FCAMR: variants seen among roughly 807,000 people sequenced by gnomAD.
FCAMR encodes the protein Fc alpha and mu receptor, also known as high affinity immunoglobulin alpha and immunoglobulin mu Fc receptor.
FCAMR carries 51 observed loss-of-function variants against 52.2 expected under a neutral mutation model. The ratio of observed to expected loss-of-function variants is 0.98; its 90% CI spans 0.78 to 1.23. The LOEUF is 1.23. Ranked by LOEUF, FCAMR falls within the 50% of genes most tolerant of loss-of-function variation. The pLI is 0.00. For missense variants in FCAMR, 719 were observed against 712.6 expected, an observed-to-expected ratio of 1.01 and a Z score of -0.10; for synonymous variants, 282 against 262.0, an observed-to-expected ratio of 1.08 and a Z score of -0.74.
chr1:206,966,255 A>G (rs1003353872), intron 3 of FCAMR, among the ~76,000 whole-genome samples: 1 of 152,066 alleles, frequency 6.6e-6, no homozygotes, highest in South Asian at 2.1e-4. Context: ...TAGGACTATT[A>G]CTTAGCAGAA....
At position 206,960,555 on chromosome 1, in the gene FCAMR, C is replaced by T; in HGVS notation, c.1321G>A (p.Ala441Thr). 3.2e-6 allele frequency: 5 copies of T among 1,551,766 alleles called. No individual in the cohort carries two copies. The highest frequency in any genetic ancestry group is 4.4e-6 in the Non-Finnish European group (5 of 1,146,970). ...GCAGCGCTTCCTTCCCCAGATGCTG[C>T]CTCCATGCTGGTCCACACATCTGCA... ...PAADVWTSME[A>T]ASGEGSAAGD... The change falls in exon 6 of 8, where the codon GCA (alanine) becomes ACA (threonine). Residue 441 changes from alanine to threonine, a missense_variant. Transcript: ENST00000324852.
intron 1 of FCAMR, among the ~76,000 whole-genome samples, chr1:206,968,779 A>G (rs1680813008): frequency 6.6e-6 from 1 of 152,198 alleles, no homozygotes; most frequent in South Asian, 2.1e-4. Context: ...GAGAGAAGAC[A>G]GAAGCAGAGA....
intron 7 of FCAMR, 53 bp from the exon 8 acceptor site, chr1:206,958,729 T>A: frequency 6.2e-7 from 1 of 1,610,254 alleles, no homozygotes; most frequent in Non-Finnish European, 8.5e-7. Flanking sequence ...CAGCACTGAC[T>A]TTGATTTCCT....
intron 2 of FCAMR, 47 bp downstream of exon 2, chr1:206,967,536 T>C: frequency 6.3e-7 from 1 of 1,579,760 alleles, no homozygotes; most frequent in Non-Finnish European, 8.7e-7. Context: ...CGATTCCTTT[T>C]CAGGAGAATG....
At chr1:206,966,603 G>A (rs1015304713) in intron 3 of FCAMR, among the ~76,000 whole-genome samples, 3 of 152,074 alleles carry the variant, frequency 2.0e-5, no homozygotes, top group Admixed American at 6.5e-5. Flanking sequence ...TCTGGCTGGT[G>A]TCGAACTCCT....
Position 206,962,349 on chromosome 1 carries a change from G to A in FCAMR, c.516C>T (p.Leu172=). ...THHRYRDRVA[L]TDFPQRGLFV... is the part of the protein sequence containing the mutation. ...ACAAGCCTCTCTGTGGAAAGTCTGT[G>A]AGGGCCACACGGTCACGATAGCGAT... Residue 172 remains leucine, a synonymous_variant, in exon 5 of 8, where the codon CTC becomes CTT. Coordinates refer to ENST00000324852, the MANE Select transcript of FCAMR (RefSeq NM_001170631.2). The A allele has an allele frequency of 6.2e-7, 1 of 1,614,226 alleles. No individual in the cohort carries two copies. The highest frequency in any genetic ancestry group is 1.3e-5 in the African/African-American group (1 of 75,050).
Position 206,958,392 on chromosome 1 carries a change from C to T in FCAMR, c.*124G>A, listed in dbSNP as rs1216491014. ...GCCAGCCTTTCTTCCATGGGTGGAG[C>T]ACCGGCTGCATCAGCTTCTCTTCCC... On this transcript the variant is annotated 3_prime_UTR_variant, in exon 8 of 8. Coordinates refer to ENST00000324852, the MANE Select transcript of FCAMR (RefSeq NM_001170631.2). The T allele has an allele frequency of 4.5e-6, 5 of 1,109,738 alleles. No individual in the cohort carries two copies. The African/African-American group carries it at 8.0e-5, about 18-fold the overall frequency. 68.7% of individuals were successfully genotyped at this position (1,109,738 alleles called of 1,614,324 possible).
At position 206,962,078 on chromosome 1, in the gene FCAMR, C is replaced by A. The variant is rs952659095; in HGVS notation, c.652+135G>T. ...GAAATGAAAGCCTACTTCTTAAAGT[C>A]TTTGCCTTGCCCCAGCTTTTCATTG... On this transcript the variant is annotated intron_variant, in intron 5 of 7. Coordinates refer to ENST00000324852, the MANE Select transcript of FCAMR (RefSeq NM_001170631.2). 72 of 880,880 alleles carry A rather than the reference C, an allele frequency of 8.2e-5. No individual in the cohort carries two copies. In the Middle Eastern group the frequency reaches 9.7e-4, roughly 12 times the overall value. 54.6% of individuals were successfully genotyped at this position (880,880 alleles called of 1,614,324 possible). A position where few individuals can be genotyped will look rare whatever the true frequency, so the allele number is the denominator to read the frequency against.
chr1:206,959,428 G>A (rs1206831132), intron 7 of FCAMR, among the ~76,000 whole-genome samples: 2 of 141,152 alleles, frequency 1.4e-5, no homozygotes, highest in Non-Finnish European at 3.0e-5. Context: ...AGTGAGCCAA[G>A]ATCACACCAT....
intron 4 of FCAMR, among the ~76,000 whole-genome samples, chr1:206,963,781 A>T (rs1680600213): frequency 6.6e-6 from 1 of 152,176 alleles, no homozygotes; most frequent in African/African-American, 2.4e-5. Flanking sequence ...CTTTCTGGGC[A>T]TGGCAGATGA....
In FCAMR at chr1:206,967,481, C is replaced by T. The variant is rs530064086; in HGVS notation, c.108+102G>A. On this transcript the variant is annotated intron_variant, in intron 2 of 7. Transcript: ENST00000324852. ...GGAAAGGCCACGTTTGAAGTCCAAA[C>T]TCTAGTTGGAATTGTGGGACCTTGG... 3 of 1,287,034 alleles carry T rather than the reference C, an allele frequency of 2.3e-6. No individual in the cohort carries two copies. In the Admixed American group the frequency reaches 5.4e-5, roughly 23 times the overall value. 79.7% of individuals were successfully genotyped at this position (1,287,034 alleles called of 1,614,324 possible).
intron 3 of FCAMR, 171 bp from the exon 4 acceptor site, chr1:206,966,029 T>C: frequency 1.2e-6 from 1 of 826,334 alleles, no homozygotes; most frequent in Non-Finnish European, 1.9e-6. Context: ...CTCCCACTGC[T>C]ACCACCTTGC....
Position 206,960,877 on chromosome 1 carries a change from C to T in FCAMR, c.999G>A (p.Ser333=), listed in dbSNP as rs376163382. 86 of 1,552,268 alleles carry T rather than the reference C, an allele frequency of 5.5e-5. No homozygotes were observed. Among genetic ancestry groups the T allele is most frequent in the South Asian group, 2.0e-4 (17 of 84,058 alleles). The change falls in exon 6 of 8, where the codon TCG becomes TCA. Residue 333 remains serine (S), a synonymous_variant. Coordinates refer to ENST00000324852, the MANE Select transcript of FCAMR (RefSeq NM_001170631.2). ...TGCTGGCTCTAGCCCTGTTTGTCACCGAGCTTCTGGTGCCCTCCCAAACAC... is the reference window on the plus strand; with the variant it reads ...TGCTGGCTCTAGCCCTGTTTGTCACTGAGCTTCTGGTGCCCTCCCAAACAC... ...TEGVWEGTRS[S]VTNRARASKD... is the part of the protein sequence containing the mutation.
chr1:206,962,100 A>G (rs1680529017), intron 5 of FCAMR, 113 bp downstream of exon 5: 4 of 1,060,292 alleles, frequency 3.8e-6, no homozygotes, highest in South Asian at 3.3e-5. Flanking sequence ...CCAGCTTTTC[A>G]TTGTCACTTC....
chr1:206,959,764 G>C lies in FCAMR; in HGVS notation c.1488C>G (p.Thr496=). ...CCAGCATGGTAGAGACAGGAGCCAG[G>C]GTCCGAGAGCTGCTTTCATCTTCTG... ...TFPEDESSSR[T]LAPVSTMLAL... is the part of the protein sequence containing the mutation. Residue 496 remains threonine, a synonymous_variant, in exon 7 of 8, where the codon ACC becomes ACG. Coordinates refer to ENST00000324852, the MANE Select transcript of FCAMR (RefSeq NM_001170631.2). The C allele has an allele frequency of 6.2e-7, 1 of 1,614,162 alleles. No homozygotes were observed. Among genetic ancestry groups the C allele is most frequent in the Non-Finnish European group, 8.5e-7 (1 of 1,180,016 alleles).
rs1272597750 is a variant in FCAMR, at chr1:206,960,825, T to A, written c.1051A>T (p.Lys351Ter). Residue 351 changes from lysine (K) to a stop codon, truncating the protein, a stop_gained, in exon 6 of 8, where the codon AAG (lysine) becomes TAG (stop). Coordinates refer to ENST00000324852, the MANE Select transcript of FCAMR (RefSeq NM_001170631.2). LOFTEE classifies it high-confidence loss of function. ...SKDRREMTTT[K>*]ADRPREDIEG... ...ATGTCCTCCCTTGGCCTATCAGCCT[T>A]GGTAGTTGTCATCTCCCTCCTGTCC... The A allele has an allele frequency of 1.3e-6, 2 of 1,552,278 alleles. No homozygotes were observed. The highest frequency in any genetic ancestry group is 4.9e-5 in the East Asian group (2 of 40,936).
At chr1:206,967,392 G>T (rs1264816937) in intron 2 of FCAMR, among the ~76,000 whole-genome samples, 191 bp downstream of exon 2, 1 of 152,166 alleles carries the variant, frequency 6.6e-6, no homozygotes, top group Non-Finnish European at 1.5e-5. Flanking sequence ...CCCTCTGTAG[G>T]ATTCTAGCCT....
intron 6 of FCAMR, chr1:206,960,147 C>T (rs563200113): frequency 5.0e-4 from 256 of 509,384 alleles, no homozygotes; most frequent in Non-Finnish European, 7.7e-4. Context: ...TCCGGAGCGC[C>T]TATTCTTTAT....
intron 7 of FCAMR, among the ~76,000 whole-genome samples, chr1:206,959,475 T>TAAA (rs371737879): frequency 1.3e-5 from 1 of 76,482 alleles, no homozygotes; most frequent in East Asian, 3.2e-4. Flanking sequence ...AGAGTCTGTC[T>TAAA]AAAAAAAAAA....
Sources: allele counts gnomAD v4.1 joint callset (sites outside exome capture counted in the v4.1 genomes callset), GRCh38; gene constraint gnomAD v4.1.1; transcripts MANE v1.5; gene names NCBI Gene and HGNC (gene_info 2026-07-23, HGNC 2026-07-21).